The following RARB variants were observed in gnomAD, a reference collection of about 807,000 sequenced individuals.
The protein encoded by RARB is retinoic acid receptor beta.
Under a neutral mutation model 51.9 loss-of-function variants are expected in RARB, and 17 were observed. The observed-to-expected ratio is 0.33, with a 90% confidence interval of 0.22 to 0.49. RARB has a LOEUF of 0.49. Ranked by LOEUF, RARB falls within the 20% of genes least tolerant of loss-of-function variation. The pLI is 0.99. For synonymous variants in RARB, 215 were observed against 195.4 expected (o/e 1.10, Z -0.84); for missense variants, 369 against 550.8 (o/e 0.67, Z 3.30).
chr3:25,536,500 G>A (rs1699147994), intron 3 of RARB, among the ~76,000 whole-genome samples: 1 of 152,150 alleles, frequency 6.6e-6, no homozygotes, highest in African/African-American at 2.4e-5. Context: ...CGACAAAATG[G>A]AATTGAGACA....
chr3:25,434,529 C>CTTTT (rs140015265), intron 1 of RARB, among the ~76,000 whole-genome samples: 9 of 123,034 alleles, frequency 7.3e-5, no homozygotes, highest in Non-Finnish European at 8.1e-5. Flanking sequence ...CTTGGTACTC[C>CTTTT]TTTTTTTTTT....
chr3:25,223,702 G>A (rs1182203281), intron 5 of RARB, among the ~76,000 whole-genome samples: 1 of 152,130 alleles, frequency 6.6e-6, no homozygotes, highest in Non-Finnish European at 1.5e-5. Context: ...CAAAATAAGA[G>A]TAAAATATAA....
chr3:25,421,416 T>C (rs868357034), intron 5 of RARB, among the ~76,000 whole-genome samples: 7,501 of 135,838 alleles, frequency 0.055, 279 homozygotes, highest in Admixed American at 0.081. Context: ...TTTTTTTTTT[T>C]TTTTTTTTTT....
At chr3:25,208,462 G>A (rs75132433) in intron 5 of RARB, among the ~76,000 whole-genome samples, 6,118 of 151,702 alleles carry the variant, frequency 0.04, 145 homozygotes, top group Middle Eastern at 0.095. Context: ...CTAATTTTGC[G>A]TTTCTTTGCT....
At chr3:25,570,656 G>C (rs991717555) in intron 4 of RARB, among the ~76,000 whole-genome samples, 5 of 152,140 alleles carry the variant, frequency 3.3e-5, no homozygotes, top group Non-Finnish European at 7.4e-5. Flanking sequence ...GTCATGAGGT[G>C]CTTTAATTTT....
intron 2 of RARB, among the ~76,000 whole-genome samples, chr3:24,893,632 C>G (rs1703428224): frequency 3.3e-5 from 5 of 152,096 alleles, no homozygotes; most frequent in Admixed American, 2.6e-4. Context: ...ATCCTCCTGT[C>G]TCTACCTCCT....
chr3:25,112,351 A>G (rs942922652), intron 3 of RARB, among the ~76,000 whole-genome samples: 3 of 152,198 alleles, frequency 2.0e-5, no homozygotes, highest in Admixed American at 1.3e-4. Flanking sequence ...ACAAATGCAG[A>G]TTCTCAGGCA....
chr3:25,139,405 G>A (rs553227189), intron 4 of RARB, among the ~76,000 whole-genome samples: 1 of 152,166 alleles, frequency 6.6e-6, no homozygotes, highest in South Asian at 2.1e-4. Flanking sequence ...CAGCCTTATT[G>A]CTGATACGGA....
chr3:25,254,706 G>C (rs901196133), intron 5 of RARB, among the ~76,000 whole-genome samples: 4 of 152,120 alleles, frequency 2.6e-5, no homozygotes, highest in Admixed American at 6.6e-5. Context: ...GGATGACTTG[G>C]TCGGTCAGAG....
chr3:25,297,690 G>T (rs747107066), intron 5 of RARB, among the ~76,000 whole-genome samples: 1 of 151,890 alleles, frequency 6.6e-6, no homozygotes, highest in Non-Finnish European at 1.5e-5. Flanking sequence ...TTTCTCCCCT[G>T]TTAAAAGCAA....
At chr3:25,389,094 A>G (rs1391835419) in intron 5 of RARB, among the ~76,000 whole-genome samples, 1 of 152,186 alleles carries the variant, frequency 6.6e-6, no homozygotes, top group Non-Finnish European at 1.5e-5. Context: ...GCCACATTTA[A>G]GTTGGCTAAA....
chr3:25,532,806 C>A (rs948665056), intron 3 of RARB, among the ~76,000 whole-genome samples: 3 of 152,132 alleles, frequency 2.0e-5, no homozygotes, highest in Non-Finnish European at 2.9e-5. Context: ...AGACACCGAG[C>A]CACAAGATGA....
intron 3 of RARB, among the ~76,000 whole-genome samples, chr3:25,529,296 T>G (rs1466023317): frequency 6.6e-6 from 1 of 152,018 alleles, no homozygotes; most frequent in Non-Finnish European, 1.5e-5. Context: ...TACAAGAATG[T>G]TCCTAGCAAC....
intron 5 of RARB, among the ~76,000 whole-genome samples, chr3:25,412,370 A>G (rs912222970): frequency 6.6e-6 from 1 of 152,174 alleles, no homozygotes; most frequent in African/African-American, 2.4e-5. Flanking sequence ...ATTGGCATGC[A>G]GTTTCATCCA....
At chr3:24,868,059 G>C (rs1238503288) in intron 2 of RARB, among the ~76,000 whole-genome samples, 2 of 152,080 alleles carry the variant, frequency 1.3e-5, no homozygotes, top group African/African-American at 2.4e-5. Flanking sequence ...AAAAAACGGG[G>C]CTTGATATCC....
At chr3:25,147,621 A>G (rs1001849123) in intron 4 of RARB, among the ~76,000 whole-genome samples, 1 of 152,228 alleles carries the variant, frequency 6.6e-6, no homozygotes, top group Non-Finnish European at 1.5e-5. Flanking sequence ...TTTCTTGAAT[A>G]CGGAGGATAA....
chr3:24,889,103 C>A (rs1408532974), intron 2 of RARB, among the ~76,000 whole-genome samples: 1 of 152,166 alleles, frequency 6.6e-6, no homozygotes, highest in Admixed American at 6.5e-5. Flanking sequence ...TGTGAGGACT[C>A]ACTACATATG....
chr3:25,132,109 A>G (rs1191668204), intron 3 of RARB, among the ~76,000 whole-genome samples: 5 of 151,916 alleles, frequency 3.3e-5, no homozygotes. Context: ...TTTACAAGTG[A>G]AAAGAACCTA....
At chr3:25,337,584 G>T (rs1048799244) in intron 5 of RARB, among the ~76,000 whole-genome samples, 1 of 151,992 alleles carries the variant, frequency 6.6e-6, no homozygotes. Flanking sequence ...TGTTCTCTCT[G>T]CCTGAAATGT....
Sources: allele counts gnomAD v4.1 joint callset (sites outside exome capture counted in the v4.1 genomes callset), GRCh38; gene constraint gnomAD v4.1.1; transcripts MANE v1.5; gene names NCBI Gene and HGNC (gene_info 2026-07-23, HGNC 2026-07-21).